Variants in PABPC4L observed in about 807,000 individuals in gnomAD.
The protein encoded by PABPC4L is poly(A) binding protein cytoplasmic 4 like, also known as polyadenylate-binding protein 4-like.
For synonymous variants in PABPC4L, 169 were observed against 164.1 expected (o/e 1.03, Z -0.23); for missense variants, 452 against 451.4 (o/e 1.00, Z -0.01).
chr4:134,071,128 AG>A, the PABPC4L span, among the ~76,000 whole-genome samples: 1 of 152,112 alleles, frequency 6.6e-6, no homozygotes, highest in East Asian at 1.9e-4. Flanking sequence ...AGGATTCTGG[AG>A]GTCCATGGCA....
the PABPC4L span, among the ~76,000 whole-genome samples, chr4:134,186,262 C>A: frequency 6.6e-6 from 1 of 152,120 alleles, no homozygotes; most frequent in African/African-American, 2.4e-5. Context: ...AAGCTGGAGG[C>A]ATCATGCTGC....
chr4:134,110,916 T>C, the PABPC4L span, among the ~76,000 whole-genome samples: 1 of 152,012 alleles, frequency 6.6e-6, no homozygotes, highest in East Asian at 1.9e-4. Flanking sequence ...CTCAAGGCTA[T>C]ATATGTATAC....
the PABPC4L span, among the ~76,000 whole-genome samples, chr4:133,980,327 T>C: frequency 5.3e-3 from 804 of 152,298 alleles, 12 homozygotes; most frequent in African/African-American, 0.018. Context: ...CAGCAGCCTT[T>C]ACATATAGGG....
At chr4:134,097,396 C>A in the PABPC4L span, among the ~76,000 whole-genome samples, 15 of 151,846 alleles carry the variant, frequency 9.9e-5, no homozygotes, top group Non-Finnish European at 2.1e-4. Context: ...CTTACAAACA[C>A]CAAATGGAAA....
At chr4:134,088,315 G>C in the PABPC4L span, among the ~76,000 whole-genome samples, 1,439 of 152,080 alleles carry the variant, frequency 9.5e-3, 11 homozygotes, top group Non-Finnish European at 0.017. Context: ...ATCTCCAAGG[G>C]AATGGTTCAA....
the PABPC4L span, among the ~76,000 whole-genome samples, chr4:134,060,324 T>C: frequency 3.3e-5 from 5 of 151,822 alleles, no homozygotes; most frequent in Non-Finnish European, 5.9e-5. Context: ...TTATAGTCAG[T>C]GGACTTGGGG....
At chr4:134,012,187 T>A in the PABPC4L span, among the ~76,000 whole-genome samples, 1 of 152,174 alleles carries the variant, frequency 6.6e-6, no homozygotes, top group African/African-American at 2.4e-5. Context: ...TACAATTTTT[T>A]AAACTTTTAT....
the PABPC4L span, among the ~76,000 whole-genome samples, chr4:134,004,682 T>G: frequency 6.6e-6 from 1 of 151,868 alleles, no homozygotes; most frequent in Non-Finnish European, 1.5e-5. Context: ...TCAGCATTAT[T>G]CACAATAAAC....
chr4:134,152,632 G>A, the PABPC4L span, among the ~76,000 whole-genome samples: 6 of 152,200 alleles, frequency 3.9e-5, no homozygotes, highest in Middle Eastern at 3.4e-3. Flanking sequence ...CCCTCCAAAC[G>A]CTTCCAACCT....
At chr4:134,070,182 G>A in the PABPC4L span, among the ~76,000 whole-genome samples, 10 of 151,974 alleles carry the variant, frequency 6.6e-5, no homozygotes, top group Non-Finnish European at 1.2e-4. Flanking sequence ...GCTTAGGAAC[G>A]TGCTGCATTG....
chr4:133,991,937 G>T, the PABPC4L span, among the ~76,000 whole-genome samples: 1 of 152,192 alleles, frequency 6.6e-6, no homozygotes, highest in Admixed American at 6.5e-5. Context: ...ATATGAATGG[G>T]TAGTGCAAAT....
At chr4:134,039,683 C>A in the PABPC4L span, among the ~76,000 whole-genome samples, 1 of 151,954 alleles carries the variant, frequency 6.6e-6, no homozygotes, top group Non-Finnish European at 1.5e-5. Flanking sequence ...GGTAAATATT[C>A]CTCTATCCCT....
chr4:134,177,415 C>T, the PABPC4L span, among the ~76,000 whole-genome samples: 17 of 152,034 alleles, frequency 1.1e-4, no homozygotes, highest in African/African-American at 4.1e-4. Context: ...AACTTGCGAT[C>T]CGCCCACCTC....
At chr4:134,105,826 G>A in the PABPC4L span, among the ~76,000 whole-genome samples, 2 of 151,804 alleles carry the variant, frequency 1.3e-5, no homozygotes, top group Admixed American at 1.3e-4. Flanking sequence ...AAAGCTTACT[G>A]AGAAGAAAAT....
chr4:134,192,873 AAGTGC>A (rs1729550645), downstream of PABPC4L, among the ~76,000 whole-genome samples: 2 of 152,114 alleles, frequency 1.3e-5, no homozygotes, highest in African/African-American at 2.4e-5. Flanking sequence ...TGAGATAGAC[AAGTGC>A]TTGGGAGAGA....
At chr4:134,042,950 C>T in the PABPC4L span, among the ~76,000 whole-genome samples, 1 of 152,020 alleles carries the variant, frequency 6.6e-6, no homozygotes, top group Non-Finnish European at 1.5e-5. Context: ...GACTCATTGA[C>T]CTCTTTCAAT....
At chr4:133,990,954 A>G in the PABPC4L span, among the ~76,000 whole-genome samples, 2 of 151,750 alleles carry the variant, frequency 1.3e-5, no homozygotes, top group East Asian at 3.9e-4. Context: ...CTTTCATATA[A>G]TTTTTCCCAC....
the PABPC4L span, among the ~76,000 whole-genome samples, chr4:134,134,605 T>C: frequency 6.6e-6 from 1 of 151,304 alleles, no homozygotes; most frequent in African/African-American, 2.4e-5. Context: ...GCTGTAAATT[T>C]ATACAATACA....
At chr4:134,124,909 T>A in the PABPC4L span, among the ~76,000 whole-genome samples, 2 of 152,024 alleles carry the variant, frequency 1.3e-5, no homozygotes, top group African/African-American at 4.8e-5. Context: ...TTCTTCTTTC[T>A]CAAGGGTACA....
Sources: gnomAD v4.1 joint callset for allele counts (sites outside exome capture counted in the v4.1 genomes callset) on GRCh38, gnomAD v4.1.1 for gene constraint, MANE v1.5 for transcripts, NCBI Gene and HGNC (gene_info 2026-07-23, HGNC 2026-07-21) for gene names.